The following NAV2 variants were observed in gnomAD, a reference collection of about 807,000 sequenced individuals.
NAV2 encodes neuron navigator 2.
A neutral mutation model predicts 223.2 loss-of-function variants in NAV2; 54 were observed. The observed-to-expected ratio is 0.24, with a 90% confidence interval of 0.19 to 0.30. The LOEUF (loss-of-function observed/expected upper bound fraction) is 0.30. NAV2 is among the 10% of genes least tolerant of loss of function. The pLI is 1.00. For synonymous variants in NAV2, 1,279 were observed against 1,239.3 expected, an observed-to-expected ratio of 1.03 and a Z score of -0.67; for missense variants, 2,806 against 3,147.5, an observed-to-expected ratio of 0.89 and a Z score of 2.60.
intron 1 of NAV2, among the ~76,000 whole-genome samples, chr11:19,364,710 C>T (rs138460988): frequency 2.8e-4 from 43 of 152,304 alleles, no homozygotes; most frequent in Admixed American, 1.2e-3. Context: ...ACAGATGCCA[C>T]GGTAGCAGTA....
chr11:19,818,194 C>T (rs1220027756), intron 1 of NAV2, among the ~76,000 whole-genome samples: 1 of 144,124 alleles, frequency 6.9e-6, no homozygotes, highest in African/African-American at 2.6e-5. Context: ...AATAATAACT[C>T]ATGTTTTTTT....
chr11:19,697,831 C>T (rs555496057), intron 1 of NAV2, among the ~76,000 whole-genome samples: 5 of 152,342 alleles, frequency 3.3e-5, no homozygotes, highest in East Asian at 3.9e-4. Flanking sequence ...ACAGCAGCTC[C>T]GTGCTGAGTG....
upstream of NAV2, among the ~76,000 whole-genome samples, chr11:19,350,397 A>C (rs1049627630): frequency 2.0e-5 from 3 of 152,224 alleles, no homozygotes; most frequent in African/African-American, 7.2e-5. Context: ...CCATGAAGGA[A>C]GATGACAGCC....
At chr11:19,531,703 AT>A in intron 1 of NAV2, among the ~76,000 whole-genome samples, 1 of 152,328 alleles carries the variant, frequency 6.6e-6, no homozygotes, top group South Asian at 2.1e-4. Flanking sequence ...TCCAAGGGAC[AT>A]GTTGAAAAGC....
chr11:19,547,591 C>T (rs1372241754), intron 1 of NAV2, among the ~76,000 whole-genome samples: 2 of 152,156 alleles, frequency 1.3e-5, no homozygotes, highest in African/African-American at 4.8e-5. Context: ...TTGATCTTCT[C>T]TACCTCTTGT....
intron 1 of NAV2, among the ~76,000 whole-genome samples, chr11:19,446,750 C>A (rs558118298): frequency 3.1e-4 from 47 of 152,300 alleles, no homozygotes; most frequent in Admixed American, 3.9e-4. Context: ...GAGCCAGAGC[C>A]TGGTGGGGAG....
At chr11:19,723,671 C>T (rs2050964508) in intron 1 of NAV2, among the ~76,000 whole-genome samples, 2 of 152,224 alleles carry the variant, frequency 1.3e-5, no homozygotes, top group Admixed American at 6.5e-5. Flanking sequence ...CCTTTGCCCA[C>T]ATCCTGCTGC....
chr11:19,638,770 A>G lies in NAV2; in HGVS notation c.76-193714A>G, dbSNP rs554526538. ...TACACTTTGGGAGCCTGAGGCAGGC[A>G]GATCACGAGGTCAGGAGTTCGAGAC... On this transcript the variant is annotated intron_variant, in intron 1 of 37. Coordinates refer to the NAV2 transcript ENST00000360655. 4.3e-4 allele frequency among the ~76,000 whole-genome samples: 66 copies of G among 152,308 alleles called. 1 individual carries two copies. In the South Asian group the frequency reaches 0.013, roughly 31 times the overall value.
At chr11:19,623,993 A>G (rs1409322991) in intron 1 of NAV2, among the ~76,000 whole-genome samples, 2 of 152,024 alleles carry the variant, frequency 1.3e-5, no homozygotes, top group South Asian at 4.2e-4. Flanking sequence ...AACAGTCAGG[A>G]CCCTCAGCTG....
At chr11:19,574,955 C>G (rs375007177) in intron 1 of NAV2, among the ~76,000 whole-genome samples, 7 of 152,118 alleles carry the variant, frequency 4.6e-5, no homozygotes, top group African/African-American at 1.7e-4. Context: ...GGAAATAGCA[C>G]AGGTGAAGGC....
At chr11:19,963,514 T>C (rs1324657365) in intron 10 of NAV2, among the ~76,000 whole-genome samples, 1 of 151,918 alleles carries the variant, frequency 6.6e-6, no homozygotes, top group Non-Finnish European at 1.5e-5. Flanking sequence ...CCCAGTGCCA[T>C]TTGAAGGAGC....
chr11:19,770,724 CTTAT>C (rs2055652076), intron 1 of NAV2, among the ~76,000 whole-genome samples: 1 of 152,154 alleles, frequency 6.6e-6, no homozygotes, highest in Non-Finnish European at 1.5e-5. Context: ...CATCCTGAAA[CTTAT>C]TTTTTACCCT....
At chr11:19,478,947 C>A (rs1346085424) in intron 1 of NAV2, among the ~76,000 whole-genome samples, 1 of 152,218 alleles carries the variant, frequency 6.6e-6, no homozygotes, top group Non-Finnish European at 1.5e-5. Context: ...GACAGGTGCA[C>A]ATTTTTAGCA....
At chr11:19,541,609 G>A (rs926975061) in intron 1 of NAV2, among the ~76,000 whole-genome samples, 7 of 152,196 alleles carry the variant, frequency 4.6e-5, no homozygotes, top group Non-Finnish European at 8.8e-5. Context: ...TGTACTCACA[G>A]CTGAGGCCCC....
At chr11:19,440,856 A>G (rs1234799141) in intron 1 of NAV2, among the ~76,000 whole-genome samples, 1 of 152,236 alleles carries the variant, frequency 6.6e-6, no homozygotes, top group Admixed American at 6.5e-5. Context: ...CAGGATAAAC[A>G]TCTTGAAACA....
chr11:19,679,326 G>A (rs1468259997), intron 1 of NAV2, among the ~76,000 whole-genome samples: 2 of 152,012 alleles, frequency 1.3e-5, no homozygotes, highest in African/African-American at 4.8e-5. Flanking sequence ...AGCTACTCTG[G>A]AGGCTGAGGC....
chr11:19,935,196 G>A (rs2045738660), intron 7 of NAV2, among the ~76,000 whole-genome samples: 1 of 152,176 alleles, frequency 6.6e-6, no homozygotes, highest in South Asian at 2.1e-4. Flanking sequence ...ATCCTGTGCT[G>A]GAGATGAGCA....
rs1315173196 is a variant in NAV2 at position 20,045,531 on chromosome 11, A to C, written c.3763A>C (p.Ile1255Leu). 2 of 1,614,068 alleles carry C rather than the reference A, an allele frequency of 1.2e-6. No homozygotes were observed. The highest frequency in any genetic ancestry group is 1.7e-6 in the Non-Finnish European group (2 of 1,180,026). The stretch of plus-strand genomic sequence containing the variant: ...CAACCAAACAGACAAGGAGAAAGGC[A>C]TCTCATCAGACAACGAGAGTGTGGC... ...LVNQTDKEKG[I>L]SSDNESVASC... Residue 1255 changes from isoleucine to leucine, a missense_variant, in exon 14 of 38, where the codon ATC becomes CTC. Transcript: ENST00000349880.
intron 3 of NAV2, among the ~76,000 whole-genome samples, chr11:19,855,578 G>A (rs533699424): frequency 5.1e-4 from 77 of 152,250 alleles, no homozygotes; most frequent in South Asian, 4.4e-3. Context: ...CCACAGTGTC[G>A]TCTCGTATAC....
Sources: allele counts gnomAD v4.1 joint callset (sites outside exome capture counted in the v4.1 genomes callset), GRCh38; gene constraint gnomAD v4.1.1; transcripts MANE v1.5; gene names NCBI Gene and HGNC (gene_info 2026-07-23, HGNC 2026-07-21).